Variants in CPPED1 observed in about 807,000 individuals in gnomAD.
The protein encoded by CPPED1 is serine/threonine-protein phosphatase CPPED1.
Under a neutral mutation model 28.0 loss-of-function variants are expected in CPPED1, and 28 were observed. That is an observed-to-expected ratio of 1.00 (90% CI 0.74 to 1.37). The LOEUF (loss-of-function observed/expected upper bound fraction) is 1.37, where lower values mean the gene tolerates loss of function less well. CPPED1 is among the 40% of genes most tolerant of loss of function. The probability of loss-of-function intolerance (pLI) is 0.00; values close to 1 mark genes in which losing one functional copy is unlikely to be tolerated. For missense variants in CPPED1, 504 were observed against 416.5 expected, an observed-to-expected ratio of 1.21 and a Z score of -1.83; for synonymous variants, 198 against 180.2, an observed-to-expected ratio of 1.10 and a Z score of -0.79.
intron 3 of CPPED1, among the ~76,000 whole-genome samples, chr16:12,667,895 C>T (rs2141164722): frequency 6.6e-6 from 1 of 152,270 alleles, no homozygotes; most frequent in South Asian, 2.1e-4. Flanking sequence ...AAGTACTACA[C>T]AGGAAACATG....
rs2080068813 is a variant in CPPED1, at chr16:12,709,499, T to A, written c.290-4450A>T. ...CTTAAAAAAATTTTAATGCAATTGGTCAAAATAAAACTAGGAGGTAAAAAG... is the reference window on the plus strand; with the variant it reads ...CTTAAAAAAATTTTAATGCAATTGGACAAAATAAAACTAGGAGGTAAAAAG... On this transcript the variant is annotated intron_variant, in intron 2 of 3. Coordinates refer to ENST00000381774, the MANE Select transcript of CPPED1 (RefSeq NM_018340.3). This position sits in a 1 kb window ranked among gnomAD's most constrained non-coding sequence, Gnocchi z 4.4. Among the ~76,000 whole-genome samples, 3 of 152,182 alleles carry A rather than the reference T, an allele frequency of 2.0e-5. No homozygotes were observed. In the South Asian group the frequency reaches 6.2e-4, roughly 32 times the overall value.
intron 2 of CPPED1, among the ~76,000 whole-genome samples, chr16:12,733,875 T>C (rs991158646): frequency 4.6e-5 from 7 of 152,128 alleles, no homozygotes; most frequent in Admixed American, 1.3e-4. Flanking sequence ...TTAATCTGCA[T>C]GCATTTATAA....
At chr16:12,777,359 C>A (rs528912390) in intron 2 of CPPED1, among the ~76,000 whole-genome samples, 1 of 152,298 alleles carries the variant, frequency 6.6e-6, no homozygotes, top group South Asian at 2.1e-4. Flanking sequence ...CAGCTTCACA[C>A]GTAATTGCTG....
At chr16:12,678,660 AATT>A (rs2079890168) in intron 3 of CPPED1, among the ~76,000 whole-genome samples, 1 of 152,126 alleles carries the variant, frequency 6.6e-6, no homozygotes, top group Non-Finnish European at 1.5e-5. Context: ...TTGTAAATTG[AATT>A]ATTTTTGTAA....
Position 12,704,682 on chromosome 16 carries a change from G to A in CPPED1, c.657C>T (p.Tyr219=), listed in dbSNP as rs2080038575. 6.2e-7 allele frequency: 1 copy of A among 1,614,212 alleles called. No homozygotes were observed. The highest frequency in any genetic ancestry group is 8.5e-7 in the Non-Finnish European group (1 of 1,180,030). ...GAGTGGACTTGCTGAGGTTGAAGTA[G>A]TAGTCGTCGTCCTCGTCGATGCTCT... ...FLESIDEDDD[Y]YFNLSKSTRK... The change falls in exon 3 of 4, where the codon TAC becomes TAT. Residue 219 remains tyrosine, a synonymous_variant. Transcript: ENST00000381774.
intron 1 of CPPED1, among the ~76,000 whole-genome samples, chr16:12,802,129 G>A (rs8047458): frequency 0.25 from 37,335 of 152,094 alleles, 5,652 homozygotes; most frequent in African/African-American, 0.42. Context: ...TGTAGCTCAC[G>A]GAGGGCAAAC....
chr16:12,739,676 T>C (rs2080244231), intron 2 of CPPED1, among the ~76,000 whole-genome samples: 1 of 152,184 alleles, frequency 6.6e-6, no homozygotes, highest in Non-Finnish European at 1.5e-5. Flanking sequence ...TCCTCCTTTT[T>C]CTCCCATTTT....
At chr16:12,719,570 A>C (rs1414495461) in intron 2 of CPPED1, among the ~76,000 whole-genome samples, 8 of 152,126 alleles carry the variant, frequency 5.3e-5, no homozygotes, top group Non-Finnish European at 1.2e-4. Context: ...TTGACTTACC[A>C]TGTCCTTATA....
chr16:12,694,187 C>T (rs2079977749), intron 3 of CPPED1, among the ~76,000 whole-genome samples: 1 of 152,172 alleles, frequency 6.6e-6, no homozygotes. Context: ...GCCTCGGTGA[C>T]AGAGTGAGAC....
intron 1 of CPPED1, among the ~76,000 whole-genome samples, chr16:12,788,982 C>T (rs748683): frequency 0.011 from 1,657 of 152,276 alleles, 38 homozygotes; most frequent in African/African-American, 0.038. Flanking sequence ...ATTACAAACT[C>T]GACGTCTGTG....
Position 12,734,891 on chromosome 16 carries a change from G to A in CPPED1, c.290-29842C>T, listed in dbSNP as rs559033181. 2.6e-4 allele frequency among the ~76,000 whole-genome samples: 39 copies of A among 152,236 alleles called. 1 individual carries two copies. Among genetic ancestry groups the A allele is most frequent in the African/African-American group, 9.4e-4 (39 of 41,544 alleles). ...GGAACACAGGGATGAACCTGGGTCA[G>A]GTGGTAAAGGGATCCTGTCTTACCT... On this transcript the variant is annotated intron_variant, in intron 2 of 3. Transcript: ENST00000381774.
intron 2 of CPPED1, among the ~76,000 whole-genome samples, chr16:12,731,561 A>G (rs1465395443): frequency 1.3e-5 from 2 of 151,850 alleles, no homozygotes; most frequent in Non-Finnish European, 2.9e-5. Flanking sequence ...GAGCCCTCCA[A>G]CAGGAGTGGT....
chr16:12,681,555 A>G (rs2079905016), intron 3 of CPPED1, among the ~76,000 whole-genome samples: 1 of 152,164 alleles, frequency 6.6e-6, no homozygotes, highest in Non-Finnish European at 1.5e-5. Flanking sequence ...ACGATTCACA[A>G]AAATTATATT....
At chr16:12,790,202 T>A (rs927185377) in intron 1 of CPPED1, among the ~76,000 whole-genome samples, 1 of 152,244 alleles carries the variant, frequency 6.6e-6, no homozygotes, top group Non-Finnish European at 1.5e-5. Flanking sequence ...GAAAGACAGA[T>A]ATTCAAATTG....
rs755097904 is a variant in CPPED1, at chr16:12,741,125, T to C, written c.290-36076A>G. ...GGGGCCCAATTATGACAAAATATCATAGTAACTCCAGGCCAACTAGGATAG... is the reference window on the plus strand; with the variant it reads ...GGGGCCCAATTATGACAAAATATCACAGTAACTCCAGGCCAACTAGGATAG... On this transcript the variant is annotated intron_variant, in intron 2 of 3. Transcript: ENST00000381774. Among the ~76,000 whole-genome samples, 10 of 152,194 alleles carry C rather than the reference T, an allele frequency of 6.6e-5. No homozygotes were observed. In the South Asian group the frequency reaches 1.0e-3, roughly 16 times the overall value.
In CPPED1 at chr16:12,665,121, G is replaced by C; in HGVS notation, c.716-6C>G. The C allele has an allele frequency of 6.3e-7, 1 of 1,588,912 alleles. No individual in the cohort carries two copies. Among genetic ancestry groups the C allele is most frequent in the Non-Finnish European group, 8.5e-7 (1 of 1,172,658 alleles). The stretch of plus-strand genomic sequence containing the variant: ...TGAGAACACGACTTTGACACCTGCA[G>C]AGAAGGGAAAAAGTCATTAGGGGGC... On this transcript the variant is annotated splice_region_variant and splice_polypyrimidine_tract_variant and intron_variant, in intron 3 of 3. Transcript: ENST00000381774.
chr16:12,797,406 A>C (rs2080634021), intron 1 of CPPED1, among the ~76,000 whole-genome samples: 1 of 152,162 alleles, frequency 6.6e-6, no homozygotes, highest in Admixed American at 6.5e-5. Flanking sequence ...AAAATCAGCC[A>C]GGCGTGGTAG....
chr16:12,740,159 T>C (rs1343702082), intron 2 of CPPED1, among the ~76,000 whole-genome samples: 1 of 152,088 alleles, frequency 6.6e-6, no homozygotes, highest in Non-Finnish European at 1.5e-5. Context: ...TTTAAGATAC[T>C]TTTTAGGCCG....
rs2080676427 is a variant in CPPED1, at chr16:12,803,771, C to T, written c.6G>A (p.Ser2=). The T allele has an allele frequency of 1.3e-6, 2 of 1,599,460 alleles. No individual in the cohort carries two copies. The highest frequency in any genetic ancestry group is 2.3e-5 in the East Asian group (1 of 43,200). M[S]AAEAGGVFHR... ...GGAAAACACCCCCCGCCTCTGCAGCCGACATGGCGAGCGAGTTTCTGGCCT... is the reference window on the plus strand; with the variant it reads ...GGAAAACACCCCCCGCCTCTGCAGCTGACATGGCGAGCGAGTTTCTGGCCT... Residue 2 remains serine, a synonymous_variant, in exon 1 of 4, where the codon TCG becomes TCA. Transcript: ENST00000381774.
Sources: allele counts gnomAD v4.1 joint callset (sites outside exome capture counted in the v4.1 genomes callset), GRCh38; gene constraint gnomAD v4.1.1; non-coding constraint Gnocchi (gnomAD v3.1); transcripts MANE v1.5; gene names NCBI Gene and HGNC (gene_info 2026-07-23, HGNC 2026-07-21).